The following PHF3 variants were observed in gnomAD, a reference collection of about 807,000 sequenced individuals.
PHF3 encodes the protein PHD finger protein 3.
A neutral mutation model predicts 178.4 loss-of-function variants in PHF3; 41 were observed. The observed-to-expected ratio is 0.23, with a 90% confidence interval of 0.18 to 0.30. The LOEUF is 0.30. PHF3 is among the 10% of genes least tolerant of loss of function. The pLI is 1.00. For missense variants in PHF3, 2,346 were observed against 2,398.1 expected, an observed-to-expected ratio of 0.98 and a Z score of 0.45; for synonymous variants, 842 against 800.5, an observed-to-expected ratio of 1.05 and a Z score of -0.88.
chr6:63,722,682 T>C lies in PHF3; in HGVS notation c.*8974T>C, dbSNP rs114890000. On this transcript the variant is annotated 3_prime_UTR_variant, in exon 16 of 16. Transcript: ENST00000262043. ...TTCTCCCTCTGAAATTTCCCAACCT[T>C]TTTCTTTTCTCATCCAGGGATATTC... Among the ~76,000 whole-genome samples the C allele has an allele frequency of 6.4e-3, 972 of 152,230 alleles. 9 individuals are homozygous for C. Among genetic ancestry groups the C allele is most frequent in the African/African-American group, 0.022 (910 of 41,552 alleles).
At position 63,685,470 on chromosome 6, in the gene PHF3, A is replaced by G. The variant is rs772715676; in HGVS notation, c.1748A>G (p.Gln583Arg). Residue 583 changes from glutamine to arginine, a missense_variant, in exon 4 of 16, where the codon CAA (glutamine) becomes CGA (arginine). By Grantham distance (43) the Gln-to-Arg change is conservative. Coordinates refer to ENST00000262043, the MANE Select transcript of PHF3 (RefSeq NM_001370348.2). ...HSVLKKTLQD[Q>R]TLVQIFKPLT... ...GTACTGAAAAAAACATTACAGGATC[A>G]AACTTTAGTACAAATTTTCAAGCCC... 6 of 1,614,118 alleles carry G rather than the reference A, an allele frequency of 3.7e-6. No homozygotes were observed. In the South Asian group the frequency reaches 6.6e-5, roughly 18 times the overall value.
In PHF3 at chr6:63,698,313, C is replaced by T. The variant is rs1480169020; in HGVS notation, c.2771C>T (p.Ala924Val). 6 of 1,612,646 alleles carry T rather than the reference C, an allele frequency of 3.7e-6. No homozygotes were observed. Among genetic ancestry groups the T allele is most frequent in the African/African-American group, 2.7e-5 (2 of 74,908 alleles). The change falls in exon 7 of 16, where the codon GCA becomes GTA. Residue 924 changes from alanine (A) to valine (V), a missense_variant. Transcript: ENST00000262043. ...GCTGCTTCTGCTTCCAAGCCTTCTG[C>T]AGATCAGATCAGGCAAAGTGTCAGA... is the stretch of plus-strand genomic sequence containing the variant. Reference protein sequence around the residue: ...HPAASASKPSADQIRQSVRHS... With the variant: ...HPAASASKPSVDQIRQSVRHS...
chr6:63,688,534 C>T (rs1464909468), intron 4 of PHF3, among the ~76,000 whole-genome samples: 2 of 150,770 alleles, frequency 1.3e-5, no homozygotes, highest in Non-Finnish European at 1.5e-5. Flanking sequence ...GGGGTTTCAC[C>T]GTGTTGGCCA....
chr6:63,669,051 G>A (rs1211650477), intron 2 of PHF3, among the ~76,000 whole-genome samples: 1 of 152,190 alleles, frequency 6.6e-6, no homozygotes, highest in African/African-American at 2.4e-5. Flanking sequence ...AAGGCTGAAT[G>A]TTGATCATGC....
intron 11 of PHF3, among the ~76,000 whole-genome samples, chr6:63,704,960 T>C (rs1767628282): frequency 6.6e-6 from 1 of 152,202 alleles, no homozygotes; most frequent in African/African-American, 2.4e-5. Context: ...ATTCTAGATT[T>C]TGGCCATTCT....
chr6:63,653,763 A>T (rs1177402392), intron 2 of PHF3, among the ~76,000 whole-genome samples: 1 of 151,992 alleles, frequency 6.6e-6, no homozygotes. Context: ...TATGATGTTG[A>T]CTGTGGTTTG....
intron 1 of PHF3, among the ~76,000 whole-genome samples, chr6:63,642,285 G>A (rs1004732187): frequency 4.6e-5 from 7 of 152,256 alleles, no homozygotes; most frequent in African/African-American, 1.7e-4. Context: ...CACCTGCCTA[G>A]CCTTTGTTAG....
chr6:63,710,130 A>G (rs2149610312), intron 14 of PHF3, among the ~76,000 whole-genome samples: 1 of 152,332 alleles, frequency 6.6e-6, no homozygotes, highest in Non-Finnish European at 1.5e-5. Context: ...TCTTAAGCTG[A>G]AAAGAATATT....
intron 4 of PHF3, among the ~76,000 whole-genome samples, chr6:63,688,462 A>C (rs1766847428): frequency 6.7e-6 from 1 of 148,712 alleles, no homozygotes; most frequent in South Asian, 2.2e-4. Context: ...CGGCCTCCCA[A>C]GTAGCTGGGA....
chr6:63,723,084 T>TA lies in PHF3; in HGVS notation c.*9377dup, dbSNP rs1478555824. On this transcript the variant is annotated 3_prime_UTR_variant, in exon 16 of 16. Coordinates refer to ENST00000262043, the MANE Select transcript of PHF3 (RefSeq NM_001370348.2). ...GCTAAATAATTATTAAATAAAGAAA[T>TA]ACGTTTGTAGGGTTGTGGGTTGAGA... 6.6e-6 allele frequency among the ~76,000 whole-genome samples: 1 copy of TA among 152,136 alleles called. No homozygotes were observed. Among genetic ancestry groups the TA allele is most frequent in the East Asian group, 1.9e-4 (1 of 5,200 alleles).
chr6:63,688,572 T>C (rs1295975622), intron 4 of PHF3, among the ~76,000 whole-genome samples: 1 of 151,630 alleles, frequency 6.6e-6, no homozygotes, highest in East Asian at 2.0e-4. Flanking sequence ...TGAATTCAGG[T>C]GATCCGCCCG....
chr6:63,686,285 GAGA>G (rs1317776613), intron 4 of PHF3: 11 of 178,728 alleles, frequency 6.2e-5, no homozygotes, highest in South Asian at 3.8e-4. Context: ...CATTTGGTGT[GAGA>G]AGAACTAGTA....
chr6:63,709,247 A>G lies in PHF3; in HGVS notation c.3801+7A>G. The G allele has an allele frequency of 6.3e-7, 1 of 1,583,734 alleles. No homozygotes were observed. Among genetic ancestry groups the G allele is most frequent in the Non-Finnish European group, 8.7e-7 (1 of 1,154,068 alleles). The stretch of plus-strand genomic sequence containing the variant: ...AAAAGCATCAGGAACCAAGGTGAGG[A>G]AAACTTTTTTCACTATACCAGCATG... On this transcript the variant is annotated splice_region_variant and intron_variant, in intron 14 of 15. Coordinates refer to ENST00000262043, the MANE Select transcript of PHF3 (RefSeq NM_001370348.2).
At chr6:63,668,750 A>G (rs939495862) in intron 2 of PHF3, among the ~76,000 whole-genome samples, 3 of 152,084 alleles carry the variant, frequency 2.0e-5, no homozygotes, top group Non-Finnish European at 2.9e-5. Context: ...TCACCTCACA[A>G]TGTAGTCAGT....
At chr6:63,669,021 G>A (rs1765797533) in intron 2 of PHF3, among the ~76,000 whole-genome samples, 2 of 152,158 alleles carry the variant, frequency 1.3e-5, no homozygotes, top group South Asian at 4.1e-4. Flanking sequence ...GGGTTTGGTA[G>A]AAAATTTTTC....
chr6:63,653,627 AT>A, intron 2 of PHF3, among the ~76,000 whole-genome samples: 1 of 152,068 alleles, frequency 6.6e-6, no homozygotes, highest in East Asian at 1.9e-4. Context: ...GATGTCCTTT[AT>A]TTAATATTTT....
chr6:63,664,677 A>C (rs1234125278), intron 2 of PHF3, among the ~76,000 whole-genome samples: 1 of 152,114 alleles, frequency 6.6e-6, no homozygotes, highest in Non-Finnish European at 1.5e-5. Context: ...CTTACTTGGA[A>C]TGCATTATGA....
intron 2 of PHF3, among the ~76,000 whole-genome samples, chr6:63,647,120 G>A (rs992005282): frequency 2.6e-5 from 4 of 151,894 alleles, no homozygotes; most frequent in Admixed American, 6.6e-5. Flanking sequence ...GACAACAGGT[G>A]TAAATTGGGA....
Position 63,684,350 on chromosome 6 carries a change from G to T in PHF3, c.628G>T (p.Val210Leu), listed in dbSNP as rs532045428. The part of the protein sequence containing the change: ...CSRNSGQIEV[V>L]PEVSVSSSHS... Reference sequence around the variant, plus strand: ...CCGAAATAGCGGACAAATTGAAGTGGTACCTGAAGTATCAGTGTCTTCAAG... The same window carrying T: ...CCGAAATAGCGGACAAATTGAAGTGTTACCTGAAGTATCAGTGTCTTCAAG... The change falls in exon 4 of 16, where the codon GTA becomes TTA. Residue 210 changes from valine to leucine, a missense_variant. By Grantham distance (32) the Val-to-Leu change is conservative. Transcript: ENST00000262043. The T allele has an allele frequency of 1.9e-6, 3 of 1,613,898 alleles. No individual in the cohort carries two copies. In the South Asian group the frequency reaches 3.3e-5, roughly 18 times the overall value.
Sources: allele counts gnomAD v4.1 joint callset (sites outside exome capture counted in the v4.1 genomes callset), GRCh38; gene constraint gnomAD v4.1.1; transcripts MANE v1.5; gene names NCBI Gene and HGNC (gene_info 2026-07-23, HGNC 2026-07-21).